The following TTC4 variants were observed in gnomAD, a reference collection of about 807,000 sequenced individuals.
TTC4 encodes tetratricopeptide repeat domain 4, also known as hsp70/Hsp90 co-chaperone CNS1 homolog.
A neutral mutation model predicts 51.9 loss-of-function variants in TTC4; 36 were observed. That is an observed-to-expected ratio of 0.69 (90% confidence interval 0.53 to 0.92). The LOEUF (loss-of-function observed/expected upper bound fraction) is 0.92. Among genes scored for constraint, TTC4 ranks in the 40% least tolerant of loss-of-function variants. TTC4 has a pLI of 0.00. For missense variants in TTC4, 399 were observed against 454.6 expected, an observed-to-expected ratio of 0.88 and a Z score of 1.11; for synonymous variants, 144 against 164.2, an observed-to-expected ratio of 0.88 and a Z score of 0.94.
At chr1:54,736,707 A>G (rs1257566498) in intron 8 of TTC4, 1 of 152,362 alleles carries the variant, frequency 6.6e-6, no homozygotes, top group Non-Finnish European at 1.5e-5. Context: ...TTGTTTGATC[A>G]GTTCCCCTCC....
At chr1:54,738,684 A>C (rs1175093726) in intron 9 of TTC4, among the ~76,000 whole-genome samples, 1 of 121,830 alleles carries the variant, frequency 8.2e-6, no homozygotes, top group Non-Finnish European at 1.6e-5. Flanking sequence ...TTGAGACGAC[A>C]TCTCGCTCTG....
chr1:54,716,253 C>A lies in TTC4; in HGVS notation c.111+234C>A, dbSNP rs893035773. The A allele has an allele frequency of 9.0e-6, 5 of 555,200 alleles. No homozygotes were observed. In the Admixed American group the frequency reaches 1.7e-4, roughly 19 times the overall value. 34.4% of individuals were successfully genotyped at this position (555,200 alleles called of 1,614,324 possible). On this transcript the variant is annotated intron_variant, in intron 1 of 9. Transcript: ENST00000371281. ...CCACTTAACTGGCTCTGATATGAGT[C>A]AGTTACTTAACTTCTCAGAGTCCGT...
chr1:54,737,548 A>C lies in TTC4; in HGVS notation c.979-34A>C, dbSNP rs533656833. 3.2e-5 allele frequency: 51 copies of C among 1,607,540 alleles called. No individual in the cohort carries two copies. In the South Asian group the frequency reaches 5.5e-4, roughly 17 times the overall value. On this transcript the variant is annotated intron_variant, in intron 8 of 9. Coordinates refer to ENST00000371281, the MANE Select transcript of TTC4 (RefSeq NM_004623.5). ...CTCAACTAAGGCTGCCGAAGCCTTT[A>C]TCTCTGACTCTTGCCCTTCTGTTAA...
At chr1:54,736,751 C>G (rs1645949278) in intron 8 of TTC4, 1 of 152,562 alleles carries the variant, frequency 6.6e-6, no homozygotes, top group African/African-American at 2.4e-5. Flanking sequence ...CTATGTGGAG[C>G]CTTCCTCACC....
intron 2 of TTC4, 31 bp from the exon 3 acceptor site, chr1:54,717,461 C>G: frequency 6.8e-7 from 1 of 1,465,520 alleles, no homozygotes; most frequent in Non-Finnish European, 9.0e-7. Flanking sequence ...AAAAAGTAAG[C>G]AATAGTGATT....
chr1:54,738,059 C>G (rs529871584), intron 9 of TTC4, among the ~76,000 whole-genome samples: 3 of 152,008 alleles, frequency 2.0e-5, no homozygotes, highest in African/African-American at 4.8e-5. Context: ...TGCCACCACG[C>G]CCGGCTAACT....
chr1:54,734,103 G>T (rs1233113233), intron 8 of TTC4, among the ~76,000 whole-genome samples: 1 of 151,932 alleles, frequency 6.6e-6, no homozygotes, highest in Non-Finnish European at 1.5e-5. Context: ...ACGGAGTCTC[G>T]CTGTTTCACC....
intron 8 of TTC4, 32 bp downstream of exon 8, chr1:54,733,742 A>T: frequency 8.4e-7 from 1 of 1,196,064 alleles, no homozygotes; most frequent in Non-Finnish European, 1.2e-6. Context: ...TCCTCTATGG[A>T]ATTAATTTTT....
intron 7 of TTC4, 102 bp from the exon 8 acceptor site, chr1:54,733,527 G>A: frequency 1.2e-6 from 1 of 857,066 alleles, no homozygotes; most frequent in Non-Finnish European, 1.8e-6. Context: ...TGCATTTCAT[G>A]TTTTATACAT....
At chr1:54,717,406 A>T in intron 2 of TTC4, 86 bp from the exon 3 acceptor site, 1 of 1,257,380 alleles carries the variant, frequency 8.0e-7, no homozygotes, top group Non-Finnish European at 1.0e-6. Flanking sequence ...TGTGTCATAT[A>T]GTACATTATT....
chr1:54,721,028 A>C (rs914942063), intron 3 of TTC4, 135 bp from the exon 4 acceptor site: 2 of 774,252 alleles, frequency 2.6e-6, no homozygotes, highest in Non-Finnish European at 4.1e-6. Context: ...GTACAACCAT[A>C]TTTTTTCAAA....
intron 9 of TTC4, among the ~76,000 whole-genome samples, chr1:54,738,735 G>A (rs1645977500): frequency 6.7e-6 from 1 of 148,282 alleles, no homozygotes; most frequent in Admixed American, 6.7e-5. Context: ...TTGGCTCACT[G>A]CAACCTCTAC....
Position 54,715,892 on chromosome 1 carries a change from A to C in TTC4, c.-17A>C. 6.3e-7 allele frequency: 1 copy of C among 1,585,972 alleles called. No individual in the cohort carries two copies. The highest frequency in any genetic ancestry group is 2.3e-5 in the East Asian group (1 of 43,852). ...TTCACGGCGCTGGGACCCGGGCTGG[A>C]AGGCAGGGCATCAGCTATGGAACAA... is the stretch of plus-strand genomic sequence containing the variant. On this transcript the variant is annotated 5_prime_UTR_variant, in exon 1 of 10. Transcript: ENST00000371281.
rs1164117330 is a variant in TTC4, at chr1:54,738,491, A to G, written c.1061+827A>G. Among the ~76,000 whole-genome samples the G allele has an allele frequency of 3.3e-5, 5 of 152,232 alleles. No individual in the cohort carries two copies. In the East Asian group the frequency reaches 9.7e-4, roughly 29 times the overall value. On this transcript the variant is annotated intron_variant, in intron 9 of 9. Coordinates refer to ENST00000371281, the MANE Select transcript of TTC4 (RefSeq NM_004623.5). ...CACAGAGCTGTGTGAGACAGCAGCC[A>G]TGGAGACTGGCCGGGCCCATAAAAC...
At chr1:54,726,328 A>G (rs1462287925) in intron 5 of TTC4, among the ~76,000 whole-genome samples, 2 of 152,254 alleles carry the variant, frequency 1.3e-5, no homozygotes, top group Non-Finnish European at 2.9e-5. Context: ...GCTAAAAGAA[A>G]AAGACTGTAA....
intron 8 of TTC4, among the ~76,000 whole-genome samples, chr1:54,734,977 G>A (rs1434267484): frequency 2.0e-5 from 3 of 151,998 alleles, no homozygotes; most frequent in Non-Finnish European, 4.4e-5. Context: ...TAGCAAAAGG[G>A]TTTTGTTCAG....
Position 54,717,650 on chromosome 1 carries a change from C to A in TTC4, c.388C>A (p.Leu130Met). Residue 130 changes from leucine to methionine, a missense_variant, in exon 3 of 10, where the codon CTG (leucine) becomes ATG (methionine). Leu to Met is a conservative substitution (Grantham distance 15, BLOSUM62 2). This residue lies in a region of TTC4 where 316 missense variants were observed against 349.6 expected (regional missense o/e 0.90). Transcript: ENST00000371281. ...YTNRAAAQYYLGNFRSALNDV... is the reference protein window; with the variant it reads ...YTNRAAAQYYMGNFRSALNDV... The stretch of plus-strand genomic sequence containing the variant: ...CAACCGGGCAGCAGCACAGTACTAT[C>A]TGGGTAATTTATAAGTGCTTTCTGA... 1 of 1,553,662 alleles carries A rather than the reference C, an allele frequency of 6.4e-7. No homozygotes were observed. Among genetic ancestry groups the A allele is most frequent in the Non-Finnish European group, 8.7e-7 (1 of 1,153,942 alleles).
intron 5 of TTC4, among the ~76,000 whole-genome samples, chr1:54,727,475 AGATT>A (rs1278793936): frequency 6.6e-6 from 1 of 152,228 alleles, no homozygotes; most frequent in Non-Finnish European, 1.5e-5. Flanking sequence ...AAGGAAAAGT[AGATT>A]GATTGCACTT....
At chr1:54,727,403 TAAAAG>T (rs1160757538) in intron 5 of TTC4, among the ~76,000 whole-genome samples, 2 of 152,048 alleles carry the variant, frequency 1.3e-5, no homozygotes, top group East Asian at 3.9e-4. Context: ...ATACAACTCT[TAAAAG>T]AAAACATAGA....
Sources: allele counts gnomAD v4.1 joint callset (sites outside exome capture counted in the v4.1 genomes callset), GRCh38; gene constraint gnomAD v4.1.1; regional missense constraint gnomAD v4.1.1; transcripts MANE v1.5; gene names NCBI Gene and HGNC (gene_info 2026-07-23, HGNC 2026-07-21).